XXYLT1: variants seen among roughly 807,000 people sequenced by gnomAD.
The protein encoded by XXYLT1 is xyloside xylosyltransferase 1, also known as UDP-xylose:alpha-xyloside alpha-1,3-xylosyltransferase.
A neutral mutation model predicts 28.9 loss-of-function variants in XXYLT1; 20 were observed. The observed-to-expected ratio is 0.69, with a 90% CI of 0.49 to 1.00. XXYLT1 has a LOEUF of 1.00. Ranked by LOEUF, XXYLT1 falls within the 50% of genes least tolerant of loss-of-function variation. The probability of loss-of-function intolerance (pLI) is 0.00; values close to 1 mark genes in which losing one functional copy is unlikely to be tolerated. For synonymous variants in XXYLT1, 257 were observed against 253.8 expected (o/e 1.01, Z -0.12); for missense variants, 542 against 560.1 (o/e 0.97, Z 0.33).
At chr3:195,247,466 G>C (rs1316033716) in intron 1 of XXYLT1, among the ~76,000 whole-genome samples, 2 of 152,254 alleles carry the variant, frequency 1.3e-5, no homozygotes, top group African/African-American at 4.8e-5. Context: ...GGTGGCCTGG[G>C]CCGGGAGGCT....
At chr3:195,239,701 C>T (rs1032496282) in intron 1 of XXYLT1, among the ~76,000 whole-genome samples, 1 of 152,214 alleles carries the variant, frequency 6.6e-6, no homozygotes, top group Admixed American at 6.5e-5. Context: ...TCAAACCCTT[C>T]GTGTGCATCA....
intron 3 of XXYLT1, among the ~76,000 whole-genome samples, chr3:195,088,181 C>A (rs1715878354): frequency 6.6e-6 from 1 of 151,778 alleles, no homozygotes; most frequent in African/African-American, 2.4e-5. Context: ...GTGGAGCCCA[C>A]CACAGCTCAA....
At chr3:195,226,236 G>A (rs549459472) in intron 2 of XXYLT1, among the ~76,000 whole-genome samples, 70 of 152,264 alleles carry the variant, frequency 4.6e-4, no homozygotes, top group East Asian at 4.0e-3. Flanking sequence ...TTCTAATTGC[G>A]CATCAGAGTT....
chr3:195,155,730 C>T (rs1226350914), intron 3 of XXYLT1, among the ~76,000 whole-genome samples: 1 of 151,798 alleles, frequency 6.6e-6, no homozygotes, highest in Non-Finnish European at 1.5e-5. Context: ...CGCACCTGCA[C>T]ATGTGCATCC....
intron 2 of XXYLT1, 53 bp downstream of exon 2, chr3:195,226,656 T>C (rs1485159585): frequency 1.6e-5 from 25 of 1,585,360 alleles, no homozygotes; most frequent in Non-Finnish European, 2.1e-5. Context: ...ACCAGGGAAA[T>C]GGATGCAAAA....
At chr3:195,211,131 C>T (rs145212166) in intron 2 of XXYLT1, among the ~76,000 whole-genome samples, 2 of 152,356 alleles carry the variant, frequency 1.3e-5, no homozygotes, top group East Asian at 1.9e-4. Flanking sequence ...TGGTAGCTCA[C>T]GCCTGTAATC....
intron 2 of XXYLT1, among the ~76,000 whole-genome samples, chr3:195,194,894 C>G (rs960205996): frequency 6.6e-5 from 10 of 152,036 alleles, no homozygotes; most frequent in Non-Finnish European, 1.5e-4. Flanking sequence ...CAGTGATTGC[C>G]CATGGCTAGG....
chr3:195,205,958 G>T (rs1395048460), intron 2 of XXYLT1, among the ~76,000 whole-genome samples: 1 of 151,942 alleles, frequency 6.6e-6, no homozygotes, highest in African/African-American at 2.4e-5. Flanking sequence ...GTGGGTAAAG[G>T]ATCTCTGTAT....
intron 3 of XXYLT1, among the ~76,000 whole-genome samples, chr3:195,109,984 TG>T (rs1218267602): frequency 1.9e-5 from 1 of 52,412 alleles, no homozygotes; most frequent in Non-Finnish European, 4.4e-5. Context: ...TGTGTGTGGG[TG>T]GGGGTGTGTG....
intron 2 of XXYLT1, among the ~76,000 whole-genome samples, chr3:195,191,016 CAA>C (rs1341606188): frequency 6.6e-6 from 1 of 152,004 alleles, no homozygotes; most frequent in East Asian, 1.9e-4. Flanking sequence ...AAACTAATAA[CAA>C]AATGTCAAAT....
At chr3:195,252,890 G>A (rs1001938641) in intron 1 of XXYLT1, among the ~76,000 whole-genome samples, 2 of 152,192 alleles carry the variant, frequency 1.3e-5, no homozygotes, top group African/African-American at 2.4e-5. Context: ...GCGAGGCGGG[G>A]AGGCGTTTAT....
chr3:195,090,175 A>C (rs1389219518), intron 3 of XXYLT1, among the ~76,000 whole-genome samples: 1 of 151,684 alleles, frequency 6.6e-6, no homozygotes, highest in Non-Finnish European at 1.5e-5. Flanking sequence ...CACCAAGCGG[A>C]CCTAATAGAC....
chr3:195,110,180 G>A (rs571004138), intron 3 of XXYLT1, among the ~76,000 whole-genome samples: 945 of 69,332 alleles, frequency 0.014, 239 homozygotes, highest in African/African-American at 0.036. Context: ...CTGAGTATGT[G>A]TGTGTGTGGG....
At chr3:195,125,509 G>C (rs1259704164) in intron 3 of XXYLT1, among the ~76,000 whole-genome samples, 4 of 152,172 alleles carry the variant, frequency 2.6e-5, no homozygotes, top group Non-Finnish European at 5.9e-5. Flanking sequence ...AAGCCTGGTG[G>C]GGGTGGGCAA....
At chr3:195,145,295 C>T (rs940114368) in intron 3 of XXYLT1, among the ~76,000 whole-genome samples, 17 of 152,074 alleles carry the variant, frequency 1.1e-4, no homozygotes, top group Non-Finnish European at 1.9e-4. Flanking sequence ...CCTCACTCCA[C>T]GGTTACCAGC....
At position 195,227,050 on chromosome 3, in the gene XXYLT1, G is replaced by A. The variant is rs116162515; in HGVS notation, c.505-194C>T. Among the ~76,000 whole-genome samples the A allele has an allele frequency of 6.3e-3, 958 of 152,234 alleles. 9 individuals are homozygous for A. The highest frequency in any genetic ancestry group is 0.022 in the African/African-American group (916 of 41,530). On this transcript the variant is annotated intron_variant, in intron 1 of 3. Transcript: ENST00000310380. The stretch of plus-strand genomic sequence containing the variant: ...ACAACCAGGAGTCAGAATTGAGGCC[G>A]CACTAAGGAGATGGGGACACTGTGT...
rs1374727333 is a variant in XXYLT1, at chr3:195,255,498, T to C, written c.504+15057A>G. On this transcript the variant is annotated intron_variant, in intron 1 of 3. Coordinates refer to ENST00000310380, the MANE Select transcript of XXYLT1 (RefSeq NM_152531.5). The surrounding 1 kb of genome is among the most constrained non-coding windows in gnomAD (Gnocchi z 4.5). ...GCTTCCTTCTGGAGCAGCCGATCAG[T>C]GGACGTGGAGCAAAGCCTTTCATTG... Among the ~76,000 whole-genome samples the C allele has an allele frequency of 6.7e-6, 1 of 149,640 alleles. No individual in the cohort carries two copies. Among genetic ancestry groups the C allele is most frequent in the Non-Finnish European group, 1.5e-5 (1 of 66,498 alleles).
rs954425768 is a variant in XXYLT1, at chr3:195,115,133, C to G, written c.785+41316G>C. On this transcript the variant is annotated intron_variant, in intron 3 of 3. Transcript: ENST00000310380. The surrounding 1 kb of genome is among the most constrained non-coding windows in gnomAD (Gnocchi z 4.2). The stretch of plus-strand genomic sequence containing the variant: ...CCCAGATGCCCAAACGGCGAGAGCT[C>G]GGGACGTGAATCAGGTGCTGCGACT... Among the ~76,000 whole-genome samples, 4 of 152,200 alleles carry G rather than the reference C, an allele frequency of 2.6e-5. No individual in the cohort carries two copies. Among genetic ancestry groups the G allele is most frequent in the Non-Finnish European group, 5.9e-5 (4 of 68,046 alleles).
intron 1 of XXYLT1, among the ~76,000 whole-genome samples, chr3:195,239,277 A>T (rs57363441): frequency 0.036 from 5,468 of 152,260 alleles, 298 homozygotes; most frequent in African/African-American, 0.12. Flanking sequence ...ATGGGCTGGC[A>T]CCTGTCATAC....
Sources: allele counts gnomAD v4.1 joint callset (sites outside exome capture counted in the v4.1 genomes callset), GRCh38; gene constraint gnomAD v4.1.1; non-coding constraint Gnocchi (gnomAD v3.1); transcripts MANE v1.5; gene names NCBI Gene and HGNC (gene_info 2026-07-23, HGNC 2026-07-21).